The following SSUH2 variants were observed in gnomAD, a reference collection of about 807,000 sequenced individuals.
The protein encoded by SSUH2 is ssu-2 homolog.
In SSUH2, 47 loss-of-function variants were observed where a neutral mutation model predicts 55.3. The observed-to-expected ratio is 0.85, with a 90% CI of 0.67 to 1.08. The LOEUF (loss-of-function observed/expected upper bound fraction) is 1.08. SSUH2 is among the 50% of genes least tolerant of loss of function. The pLI is 0.00. For missense variants in SSUH2, 535 were observed against 490.7 expected (o/e 1.09, Z -0.85); for synonymous variants, 212 against 191.5 (o/e 1.11, Z -0.89).
At chr3:8,653,639 T>C (rs374064282) in intron 7 of SSUH2, among the ~76,000 whole-genome samples, 5 of 152,226 alleles carry the variant, frequency 3.3e-5, no homozygotes, top group African/African-American at 4.8e-5. Flanking sequence ...ACGAATAACA[T>C]AGAAATAACT....
chr3:8,627,845 C>A (rs1202284381), intron 7 of SSUH2, 62 bp from the exon 8 acceptor site: 12 of 1,479,290 alleles, frequency 8.1e-6, no homozygotes, highest in Non-Finnish European at 1.0e-5. Flanking sequence ...CAACGGCATC[C>A]CAAGACCTGG....
At chr3:8,633,594 G>A in intron 4 of SSUH2, 72 bp downstream of exon 4, 3 of 1,281,238 alleles carry the variant, frequency 2.3e-6, no homozygotes, top group Non-Finnish European at 2.1e-6. Context: ...ACACAAACAG[G>A]CCTCCACTGT....
chr3:8,656,593 G>A (rs1057277601), intron 7 of SSUH2, among the ~76,000 whole-genome samples: 1 of 152,180 alleles, frequency 6.6e-6, no homozygotes, highest in Non-Finnish European at 1.5e-5. Flanking sequence ...GAGCGAGGAA[G>A]ACACAACCCC....
chr3:8,639,217 C>T lies in SSUH2; in HGVS notation c.29-3360G>A, dbSNP rs1030212690. 5.9e-5 allele frequency among the ~76,000 whole-genome samples: 9 copies of T among 152,342 alleles called. No homozygotes were observed. In the East Asian group the frequency reaches 1.5e-3, roughly 26 times the overall value. Reference sequence around the variant, plus strand: ...TCGGAAGGGGCCACCAGCCACATTGCTGTTCCCATGGTGTTGCAGCTGTTT... The same window carrying T: ...TCGGAAGGGGCCACCAGCCACATTGTTGTTCCCATGGTGTTGCAGCTGTTT... On this transcript the variant is annotated intron_variant, in intron 1 of 11. Coordinates refer to ENST00000544814, the MANE Select transcript of SSUH2 (RefSeq NM_001256748.3).
At chr3:8,634,626 C>T (rs575045059) in intron 3 of SSUH2, 20 of 1,271,746 alleles carry the variant, frequency 1.6e-5, no homozygotes, top group East Asian at 5.6e-5. Context: ...GATGACTCCC[C>T]GGAGGAAGCA....
intron 11 of SSUH2, among the ~76,000 whole-genome samples, chr3:8,621,447 C>G (rs1292890123): frequency 6.6e-6 from 1 of 152,192 alleles, no homozygotes; most frequent in Non-Finnish European, 1.5e-5. Context: ...CTGGCCATCC[C>G]TGGAGATCTG....
intron 1 of SSUH2, chr3:8,681,820 C>G (rs533944728): frequency 6.4e-6 from 1 of 157,344 alleles, no homozygotes; most frequent in Non-Finnish European, 1.4e-5. Context: ...AGGGTGGGGA[C>G]TGAGAGCCAG....
rs562575148 is a variant in SSUH2, at chr3:8,629,207, C to T, written c.588+457G>A. The T allele has an allele frequency of 6.7e-4, 107 of 158,582 alleles. 1 individual carries two copies. The highest frequency in any genetic ancestry group is 1.1e-3 in the Non-Finnish European group (76 of 72,336). 9.8% of individuals were successfully genotyped at this position (158,582 alleles called of 1,614,324 possible). On this transcript the variant is annotated intron_variant, in intron 7 of 11. Transcript: ENST00000544814. ...ATTGGTGGTCATGGCTTACAGCAGC[C>T]GAAGGAAACTAACTCAAGTGTCACT...
intron 1 of SSUH2, among the ~76,000 whole-genome samples, chr3:8,681,580 G>T (rs1327261438): frequency 6.6e-6 from 1 of 150,896 alleles, no homozygotes; most frequent in East Asian, 2.0e-4. Context: ...AACGAAGCGG[G>T]GACTGAGAGC....
At chr3:8,681,577 C>T (rs1291203685) in intron 1 of SSUH2, among the ~76,000 whole-genome samples, 5 of 149,966 alleles carry the variant, frequency 3.3e-5, no homozygotes, top group African/African-American at 9.8e-5. Flanking sequence ...CCCAACGAAG[C>T]GGGGACTGAG....
At chr3:8,666,718 C>T (rs552943905) in intron 5 of SSUH2, among the ~76,000 whole-genome samples, 17 of 152,268 alleles carry the variant, frequency 1.1e-4, no homozygotes, top group South Asian at 8.3e-4. Flanking sequence ...ACGATTTACC[C>T]GGGCATAACG....
chr3:8,669,813 A>G (rs1372478989), intron 5 of SSUH2, among the ~76,000 whole-genome samples: 1 of 152,140 alleles, frequency 6.6e-6, no homozygotes, highest in African/African-American at 2.4e-5. Flanking sequence ...ACTCTTCAAG[A>G]CTCTCAGGGT....
chr3:8,681,213 C>A (rs1026095918), intron 1 of SSUH2, among the ~76,000 whole-genome samples: 1 of 148,514 alleles, frequency 6.7e-6, no homozygotes, highest in African/African-American at 2.5e-5. Context: ...GCCCCTCTTC[C>A]CCCCCTGGCT....
chr3:8,641,555 C>G (rs1700847264), intron 1 of SSUH2, among the ~76,000 whole-genome samples: 1 of 152,188 alleles, frequency 6.6e-6, no homozygotes, highest in South Asian at 2.1e-4. Context: ...TTCTTACTCA[C>G]TCCCCAAAGT....
At chr3:8,665,717 A>G (rs947826905) in intron 5 of SSUH2, among the ~76,000 whole-genome samples, 1 of 152,182 alleles carries the variant, frequency 6.6e-6, no homozygotes, top group East Asian at 1.9e-4. Context: ...AACAAATTAA[A>G]TATCATTACT....
chr3:8,666,618 C>T (rs1480405403), intron 5 of SSUH2, among the ~76,000 whole-genome samples: 1 of 152,200 alleles, frequency 6.6e-6, no homozygotes, highest in Non-Finnish European at 1.5e-5. Context: ...CAGAAGATGA[C>T]ATCTGTGACC....
intron 6 of SSUH2, among the ~76,000 whole-genome samples, chr3:8,630,356 C>T (rs902690078): frequency 1.3e-5 from 2 of 152,190 alleles, no homozygotes; most frequent in Admixed American, 6.5e-5. Context: ...TCCCTTCACG[C>T]CACGAATATA....
rs752000182 is a variant in SSUH2, at chr3:8,627,765, A to G, written c.607T>C (p.Cys203Arg). The change falls in exon 8 of 12, where the codon TGC becomes CGC. Residue 203 changes from cysteine to arginine, a missense_variant. Physicochemically the swap from Cys to Arg is radical, Grantham distance 180 (BLOSUM62 -3). Coordinates refer to ENST00000544814, the MANE Select transcript of SSUH2 (RefSeq NM_001256748.3). ...GAGTVRCPSC[C>R]GAKRKAKQSR... Reference sequence around the variant, plus strand: ...TGCTTGGCTTTGCGCTTGGCTCCGCAGCAGGATGGGCACCGCACCTGCAGA... The same window carrying G: ...TGCTTGGCTTTGCGCTTGGCTCCGCGGCAGGATGGGCACCGCACCTGCAGA... 2.5e-6 allele frequency: 4 copies of G among 1,610,076 alleles called. No individual in the cohort carries two copies. The highest frequency in any genetic ancestry group is 3.4e-6 in the Non-Finnish European group (4 of 1,178,470).
chr3:8,657,376 A>G (rs1403290995), intron 7 of SSUH2, among the ~76,000 whole-genome samples: 17 of 152,186 alleles, frequency 1.1e-4, no homozygotes, highest in Non-Finnish European at 2.5e-4. Flanking sequence ...GGAGTAATAC[A>G]AAGTGGCATG....
Sources: allele counts gnomAD v4.1 joint callset (sites outside exome capture counted in the v4.1 genomes callset), GRCh38; gene constraint gnomAD v4.1.1; transcripts MANE v1.5; gene names NCBI Gene and HGNC (gene_info 2026-07-23, HGNC 2026-07-21).